DPYSL5: variants seen among roughly 807,000 people sequenced by gnomAD.
The protein encoded by DPYSL5 is dihydropyrimidinase-related protein 5.
DPYSL5 carries 9 observed loss-of-function variants against 58.4 expected under a neutral mutation model. That is an observed-to-expected ratio of 0.15 (90% CI 0.09 to 0.27). DPYSL5 has a LOEUF of 0.27. Among genes scored for constraint, DPYSL5 ranks in the 10% least tolerant of loss-of-function variants. The pLI is 1.00. For missense variants in DPYSL5, 499 were observed against 770.6 expected, an observed-to-expected ratio of 0.65 and a Z score of 4.17; for synonymous variants, 293 against 301.9, an observed-to-expected ratio of 0.97 and a Z score of 0.31.
At chr2:26,882,940 A>G (rs1036681994) in intron 1 of DPYSL5, among the ~76,000 whole-genome samples, 1 of 151,352 alleles carries the variant, frequency 6.6e-6, no homozygotes, top group East Asian at 1.9e-4. Context: ...GCAATGTAAC[A>G]TATAGAAAGT....
rs1345918230 is a variant in DPYSL5 at position 26,950,154 on chromosome 2, C to T, written c.*3159C>T. On this transcript the variant is annotated 3_prime_UTR_variant, in exon 13 of 13. Coordinates refer to ENST00000288699, the MANE Select transcript of DPYSL5 (RefSeq NM_020134.4). This position sits in a 1 kb window ranked among gnomAD's most constrained non-coding sequence, Gnocchi z 5.3. Reference sequence around the variant, plus strand: ...CCAGCTGCTGAGGCGCAGGCACAGCCTGGGGTCGGATGGAGCCTCCAGCAC... The same window carrying T: ...CCAGCTGCTGAGGCGCAGGCACAGCTTGGGGTCGGATGGAGCCTCCAGCAC... 6.6e-6 allele frequency: 1 copy of T among 152,324 alleles called. No homozygotes were observed. Among genetic ancestry groups the T allele is most frequent in the Non-Finnish European group, 1.5e-5 (1 of 68,146 alleles). The allele number at this position is 152,324 out of a possible 1,614,324, so 9.4% of individuals were successfully genotyped here.
intron 1 of DPYSL5, among the ~76,000 whole-genome samples, chr2:26,858,803 G>A (rs906637079): frequency 2.0e-5 from 3 of 150,004 alleles, no homozygotes; most frequent in Non-Finnish European, 4.4e-5. Flanking sequence ...TGAACTGCTG[G>A]TCTCAAGCAA....
intron 2 of DPYSL5, among the ~76,000 whole-genome samples, chr2:26,912,976 G>A (rs1441103165): frequency 6.6e-6 from 1 of 152,208 alleles, no homozygotes; most frequent in East Asian, 1.9e-4. Flanking sequence ...AAATCAGGGG[G>A]CTCTAGAGTC....
At position 26,849,944 on chromosome 2, in the gene DPYSL5, G is replaced by A. The variant is rs1348378373; in HGVS notation, c.-5+1690G>A. Among the ~76,000 whole-genome samples, 1 of 152,202 alleles carries A rather than the reference G, an allele frequency of 6.6e-6. No individual in the cohort carries two copies. The highest frequency in any genetic ancestry group is 2.4e-5 in the African/African-American group (1 of 41,470). On this transcript the variant is annotated intron_variant, in intron 1 of 12. Transcript: ENST00000288699. The surrounding 1 kb of genome is among the most constrained non-coding windows in gnomAD (Gnocchi z 6.2). ...TGTCCACCCGCTGCCGAGACGCGGCGTGGTTAGCGGCGCGGAGCTGCCGGG... is the reference window on the plus strand; with the variant it reads ...TGTCCACCCGCTGCCGAGACGCGGCATGGTTAGCGGCGCGGAGCTGCCGGG...
chr2:26,937,464 T>C (rs1041085531), intron 8 of DPYSL5, among the ~76,000 whole-genome samples: 8 of 152,294 alleles, frequency 5.3e-5, no homozygotes, highest in African/African-American at 1.9e-4. Flanking sequence ...ATAATTTATA[T>C]GATGCAAGAT....
At chr2:26,894,362 T>A (rs1307730789) in intron 1 of DPYSL5, among the ~76,000 whole-genome samples, 1 of 152,190 alleles carries the variant, frequency 6.6e-6, no homozygotes, top group Non-Finnish European at 1.5e-5. Flanking sequence ...GCAGAGAGAA[T>A]GCAAACTCGC....
intron 1 of DPYSL5, among the ~76,000 whole-genome samples, chr2:26,892,895 C>T (rs1416325220): frequency 1.3e-5 from 2 of 151,932 alleles, no homozygotes; most frequent in Non-Finnish European, 2.9e-5. Context: ...ATTAAAACTC[C>T]AGTTTTTAGG....
In DPYSL5 at chr2:26,905,443, A is replaced by G. The variant is rs911825482; in HGVS notation, c.261+6683A>G. The stretch of plus-strand genomic sequence containing the variant: ...AAGATCCACCGACTTTGGCTTCACA[A>G]TGAAATTGCTCCACTGTGCACCGAG... On this transcript the variant is annotated intron_variant, in intron 2 of 12. Transcript: ENST00000288699. The surrounding 1 kb of genome is among the most constrained non-coding windows in gnomAD (Gnocchi z 4.0). Among the ~76,000 whole-genome samples, 10 of 152,120 alleles carry G rather than the reference A, an allele frequency of 6.6e-5. No homozygotes were observed. The highest frequency in any genetic ancestry group is 1.9e-4 in the African/African-American group (8 of 41,424).
At chr2:26,918,305 A>C (rs556127541) in intron 2 of DPYSL5, among the ~76,000 whole-genome samples, 1 of 152,276 alleles carries the variant, frequency 6.6e-6, no homozygotes, top group South Asian at 2.1e-4. Context: ...TCCAGGTACC[A>C]TACATGCATC....
chr2:26,942,113 C>A lies in DPYSL5; in HGVS notation c.1232+21C>A, dbSNP rs766604944. 1 of 1,613,910 alleles carries A rather than the reference C, an allele frequency of 6.2e-7. No individual in the cohort carries two copies. The highest frequency in any genetic ancestry group is 8.5e-7 in the Non-Finnish European group (1 of 1,179,912). On this transcript the variant is annotated intron_variant, in intron 10 of 12. Transcript: ENST00000288699. This position sits in a 1 kb window ranked among gnomAD's most constrained non-coding sequence, Gnocchi z 5.9. ...ACAAAGTAAAGTTTGTTGCTCGTCC[C>A]CAGGGCTAGAGGGGCTTGGGATTTT...
rs1664767364 is a variant in DPYSL5 at position 26,924,101 on chromosome 2, A to G, written c.262-786A>G. 6.6e-6 allele frequency among the ~76,000 whole-genome samples: 1 copy of G among 152,202 alleles called. No homozygotes were observed. The highest frequency in any genetic ancestry group is 1.9e-4 in the East Asian group (1 of 5,200). Reference sequence around the variant, plus strand: ...TAAAAAGTTGAGTGGGGGAATCTCTAATACAGATTTAGTCATTTTTCCTGG... The same window carrying G: ...TAAAAAGTTGAGTGGGGGAATCTCTGATACAGATTTAGTCATTTTTCCTGG... On this transcript the variant is annotated intron_variant, in intron 2 of 12. Coordinates refer to ENST00000288699, the MANE Select transcript of DPYSL5 (RefSeq NM_020134.4). This position sits in a 1 kb window ranked among gnomAD's most constrained non-coding sequence, Gnocchi z 4.7.
chr2:26,946,414 G>C (rs972073112), intron 12 of DPYSL5, among the ~76,000 whole-genome samples: 1 of 145,844 alleles, frequency 6.9e-6, no homozygotes, highest in Admixed American at 6.9e-5. Context: ...GTTTGTTTTT[G>C]TTTTTTTTTT....
chr2:26,930,132 C>T lies in DPYSL5; in HGVS notation c.670-1508C>T, dbSNP rs78182700. On this transcript the variant is annotated intron_variant, in intron 5 of 12. Coordinates refer to ENST00000288699, the MANE Select transcript of DPYSL5 (RefSeq NM_020134.4). Reference sequence around the variant, plus strand: ...CTGATCAGTGCCTGTGTTTCAGAGCCCTTGAATATAGGTCCTGTTTGGCAC... The same window carrying T: ...CTGATCAGTGCCTGTGTTTCAGAGCTCTTGAATATAGGTCCTGTTTGGCAC... Among the ~76,000 whole-genome samples the T allele has an allele frequency of 9.0e-3, 1,362 of 152,144 alleles. 16 individuals carry two copies. Among genetic ancestry groups the T allele is most frequent in the African/African-American group, 0.031 (1,267 of 41,486 alleles).
intron 5 of DPYSL5, among the ~76,000 whole-genome samples, chr2:26,931,354 C>T (rs1447080896): frequency 6.6e-6 from 1 of 151,128 alleles, no homozygotes; most frequent in Admixed American, 6.6e-5. Flanking sequence ...GGAGAGAATA[C>T]ACCAGAAAAC....
At position 26,905,274 on chromosome 2, in the gene DPYSL5, G is replaced by T. The variant is rs1447967076; in HGVS notation, c.261+6514G>T. ...TAAACAGTTTTTACTATGTATAAAT[G>T]GTGTTTGTAAGGATTAGATGAGATG... On this transcript the variant is annotated intron_variant, in intron 2 of 12. Coordinates refer to ENST00000288699, the MANE Select transcript of DPYSL5 (RefSeq NM_020134.4). This position sits in a 1 kb window ranked among gnomAD's most constrained non-coding sequence, Gnocchi z 4.0. Among the ~76,000 whole-genome samples, 1 of 152,158 alleles carries T rather than the reference G, an allele frequency of 6.6e-6. No individual in the cohort carries two copies. The highest frequency in any genetic ancestry group is 1.9e-4 in the East Asian group (1 of 5,192).
At position 26,913,790 on chromosome 2, in the gene DPYSL5, G is replaced by T. The variant is rs529857234; in HGVS notation, c.262-11097G>T. On this transcript the variant is annotated intron_variant, in intron 2 of 12. Coordinates refer to ENST00000288699, the MANE Select transcript of DPYSL5 (RefSeq NM_020134.4). ...TAGCAGGCTGCTTCTGTATCCCTGG[G>T]ACTCGCTGATCTGCCATGTCTGGGA... 2.6e-5 allele frequency among the ~76,000 whole-genome samples: 4 copies of T among 152,188 alleles called. No homozygotes were observed. The East Asian group carries it at 5.8e-4, about 22-fold the overall frequency.
intron 2 of DPYSL5, among the ~76,000 whole-genome samples, chr2:26,907,813 A>G (rs1001052749): frequency 2.6e-5 from 4 of 152,168 alleles, no homozygotes; most frequent in Non-Finnish European, 4.4e-5. Flanking sequence ...ATTGTTTCCC[A>G]TGTTAAGTTT....
At chr2:26,868,178 A>G (rs1663159928) in intron 1 of DPYSL5, among the ~76,000 whole-genome samples, 1 of 152,156 alleles carries the variant, frequency 6.6e-6, no homozygotes, top group Non-Finnish European at 1.5e-5. Context: ...CTGATGTCCT[A>G]TGCCCATCTT....
rs1664797344 is a variant in DPYSL5, at chr2:26,925,115, C to CA, written c.420+71dup. 1 of 1,562,320 alleles carries CA rather than the reference C, an allele frequency of 6.4e-7. No homozygotes were observed. Among genetic ancestry groups the CA allele is most frequent in the East Asian group, 2.3e-5 (1 of 43,880 alleles). ...GTAGGCAGAGGGGCTGGTTGGGGTG[C>CA]AGTGCCTCCTGCTTGTGTGGGGCAC... On this transcript the variant is annotated intron_variant, in intron 3 of 12. Coordinates refer to ENST00000288699, the MANE Select transcript of DPYSL5 (RefSeq NM_020134.4). The surrounding 1 kb of genome is among the most constrained non-coding windows in gnomAD (Gnocchi z 4.5).
Sources: gnomAD v4.1 joint callset for allele counts (sites outside exome capture counted in the v4.1 genomes callset) on GRCh38, gnomAD v4.1.1 for gene constraint, Gnocchi (gnomAD v3.1) non-coding constraint, MANE v1.5 for transcripts, NCBI Gene and HGNC (gene_info 2026-07-23, HGNC 2026-07-21) for gene names.